The following SLC1A7 variants were observed in gnomAD, a reference collection of about 807,000 sequenced individuals.
SLC1A7 encodes solute carrier family 1 member 7, also known as excitatory amino acid transporter 5.
SLC1A7 carries 40 observed loss-of-function variants against 47.7 expected under a neutral mutation model. The ratio of observed to expected loss-of-function variants is 0.84; its 90% CI spans 0.65 to 1.09. SLC1A7 has a LOEUF of 1.09. Among genes scored for constraint, SLC1A7 ranks in the 50% least tolerant of loss-of-function variants. The pLI is 0.00. For synonymous variants in SLC1A7, 323 were observed against 325.6 expected (o/e 0.99, Z 0.09); for missense variants, 746 against 769.5 (o/e 0.97, Z 0.36).
At position 53,092,774 on chromosome 1, in the gene SLC1A7, C is replaced by G; in HGVS notation, c.811G>C (p.Gly271Arg). The part of the protein sequence containing the change: ...VAVAVWYFPF[G>R]IVFLIAGKIL... ...TTACCCGCAATGAGGAACACAATGC[C>G]GAAGGGGAAATACCTGGGGGCGGCG... The change falls in exon 7 of 11, where the codon GGC (glycine) becomes CGC (arginine). Residue 271 changes from glycine (G) to arginine (R), a missense_variant. Transcript: ENST00000371494. 2 of 1,611,502 alleles carry G rather than the reference C, an allele frequency of 1.2e-6. No homozygotes were observed. The highest frequency in any genetic ancestry group is 1.1e-5 in the South Asian group (1 of 91,026).
At position 53,088,205 on chromosome 1, in the gene SLC1A7, T is replaced by C. The variant is rs1392765655; in HGVS notation, c.1487A>G (p.Lys496Arg). Reference sequence around the variant, plus strand: ...CACGATCTCCTGGAGGCTCACTGGCTTGGTCTCGCAGGGCAGCAGTTTCTG... The same window carrying C: ...CACGATCTCCTGGAGGCTCACTGGCCTGGTCTCGCAGGGCAGCAGTTTCTG... Reference protein sequence around the residue: ...GTEKLLPCETKPVSLQEIVAA... With the variant: ...GTEKLLPCETRPVSLQEIVAA... Residue 496 changes from lysine (K) to arginine (R), a missense_variant, in exon 11 of 11, where the codon AAG becomes AGG. Lys to Arg is a conservative substitution (Grantham distance 26). Coordinates refer to ENST00000371494, the MANE Select transcript of SLC1A7 (RefSeq NM_006671.6). 6.2e-7 allele frequency: 1 copy of C among 1,610,980 alleles called. No homozygotes were observed. Among genetic ancestry groups the C allele is most frequent in the Non-Finnish European group, 8.5e-7 (1 of 1,178,278 alleles).
intron 2 of SLC1A7, among the ~76,000 whole-genome samples, chr1:53,124,370 C>T (rs984137838): frequency 2.6e-5 from 4 of 152,026 alleles, no homozygotes; most frequent in Admixed American, 6.6e-5. Context: ...CTCTATCATG[C>T]ACAGCCCTAG....
At chr1:53,140,335 G>T (rs1278956226) in intron 1 of SLC1A7, among the ~76,000 whole-genome samples, 1 of 152,198 alleles carries the variant, frequency 6.6e-6, no homozygotes, top group African/African-American at 2.4e-5. Context: ...TCCTGCAGGA[G>T]ATATATTTTT....
At chr1:53,122,716 T>C (rs984935235) in intron 2 of SLC1A7, among the ~76,000 whole-genome samples, 2 of 152,138 alleles carry the variant, frequency 1.3e-5, no homozygotes, top group African/African-American at 4.8e-5. Flanking sequence ...CCACCTCTGC[T>C]TGCATATCTC....
chr1:53,096,229 A>C (rs1644488758), intron 5 of SLC1A7, among the ~76,000 whole-genome samples: 1 of 149,366 alleles, frequency 6.7e-6, no homozygotes, highest in Non-Finnish European at 1.5e-5. Context: ...ATACACTCAC[A>C]CACCCTGCCT....
intron 6 of SLC1A7, 43 bp downstream of exon 6, chr1:53,093,418 C>T (rs369288688): frequency 6.7e-7 from 1 of 1,485,546 alleles, no homozygotes; most frequent in Non-Finnish European, 9.3e-7. Context: ...CCTCCATCCA[C>T]CCAGGGCTGG....
At chr1:53,093,929 C>G (rs1023456857) in intron 5 of SLC1A7, among the ~76,000 whole-genome samples, 4 of 152,178 alleles carry the variant, frequency 2.6e-5, no homozygotes, top group Admixed American at 6.5e-5. Context: ...TCCTGCCCAT[C>G]TCACTGTGCC....
chr1:53,098,808 T>C (rs1644533014), intron 5 of SLC1A7, among the ~76,000 whole-genome samples: 1 of 149,580 alleles, frequency 6.7e-6, no homozygotes, highest in Non-Finnish European at 1.5e-5. Flanking sequence ...TTCAGTACAC[T>C]CACACACCCT....
chr1:53,111,292 C>T lies in SLC1A7; in HGVS notation c.431+3466G>A, dbSNP rs78517775. On this transcript the variant is annotated intron_variant, in intron 3 of 10. Coordinates refer to ENST00000371494, the MANE Select transcript of SLC1A7 (RefSeq NM_006671.6). ...CACCCAGACAGGAAGGACAACGAGG[C>T]GGGTGGGGCTGGAGCCAGGGCAGGG... is the stretch of plus-strand genomic sequence containing the variant. 8.1e-4 allele frequency among the ~76,000 whole-genome samples: 123 copies of T among 152,104 alleles called. 1 individual carries two copies. In the East Asian group the frequency reaches 0.017, roughly 21 times the overall value.
chr1:53,111,335 G>A (rs975067122), intron 3 of SLC1A7, among the ~76,000 whole-genome samples: 5 of 152,290 alleles, frequency 3.3e-5, no homozygotes, highest in African/African-American at 1.2e-4. Context: ...GAGTTGGGGC[G>A]GAGGTCAGAG....
intron 5 of SLC1A7, among the ~76,000 whole-genome samples, chr1:53,101,691 CGGTACACTCACACCAGCTT>C (rs1426575912): frequency 1.3e-5 from 2 of 148,660 alleles, no homozygotes; most frequent in East Asian, 4.1e-4. Flanking sequence ...AACCATGTCT[CGGTACACTCACACCAGCTT>C]GGTACACTCA....
chr1:53,091,075 A>T, intron 7 of SLC1A7: 1 of 955,228 alleles, frequency 1.0e-6, no homozygotes, highest in South Asian at 1.7e-5. Flanking sequence ...GTGCCGAGGG[A>T]TATGGAGGTC....
intron 2 of SLC1A7, among the ~76,000 whole-genome samples, chr1:53,129,302 C>G (rs1407225386): frequency 1.3e-5 from 2 of 152,196 alleles, no homozygotes; most frequent in African/African-American, 4.8e-5. Context: ...AGGAGGTATT[C>G]TTCCCACTTT....
chr1:53,112,053 A>C (rs999785290), intron 3 of SLC1A7, among the ~76,000 whole-genome samples: 2 of 152,200 alleles, frequency 1.3e-5, no homozygotes, highest in African/African-American at 4.8e-5. Context: ...TGTAGACTCC[A>C]TTTCCCTTGT....
At chr1:53,141,392 C>A (rs1036842288) in intron 1 of SLC1A7, among the ~76,000 whole-genome samples, 1 of 152,040 alleles carries the variant, frequency 6.6e-6, no homozygotes, top group East Asian at 1.9e-4. Context: ...ATCTCTCTCC[C>A]CAGGAGGTCT....
intron 3 of SLC1A7, chr1:53,114,533 A>G: frequency 5.2e-6 from 3 of 577,820 alleles, no homozygotes; most frequent in East Asian, 5.6e-5. Flanking sequence ...GCGCCCATCC[A>G]CAGGCAGAGA....
At chr1:53,109,692 G>A (rs1335679053) in intron 3 of SLC1A7, among the ~76,000 whole-genome samples, 1 of 152,154 alleles carries the variant, frequency 6.6e-6, no homozygotes, top group African/African-American at 2.4e-5. Flanking sequence ...TTCTGGGCCA[G>A]GGCAAGGGTC....
chr1:53,103,372 C>T lies in SLC1A7; in HGVS notation c.671G>A (p.Gly224Asp), dbSNP rs925029275. 1.9e-6 allele frequency: 3 copies of T among 1,607,354 alleles called. No individual in the cohort carries two copies. In the African/African-American group the frequency reaches 4.0e-5, roughly 21 times the overall value. The change falls in exon 5 of 11, where the codon GGC becomes GAC. Residue 224 changes from glycine to aspartate, a missense_variant. By Grantham distance (94) the Gly-to-Asp change is moderately conservative. Coordinates refer to ENST00000371494, the MANE Select transcript of SLC1A7 (RefSeq NM_006671.6). The part of the protein sequence containing the change: ...PGTSDGMNVL[G>D]IVFFSATMGI... ...CATGGTGGCAGAGAAGAAGACGATG[C>T]CCAGCACATTCATGCCATCGCTGGT...
At chr1:53,095,834 G>A (rs968651925) in intron 5 of SLC1A7, among the ~76,000 whole-genome samples, 5 of 143,420 alleles carry the variant, frequency 3.5e-5, no homozygotes, top group South Asian at 4.5e-4. Context: ...ACACTGCCTC[G>A]GTACACTCAC....
Sources: allele counts gnomAD v4.1 joint callset (sites outside exome capture counted in the v4.1 genomes callset), GRCh38; gene constraint gnomAD v4.1.1; transcripts MANE v1.5; gene names NCBI Gene and HGNC (gene_info 2026-07-23, HGNC 2026-07-21).